The following IGF2BP2 variants were observed in gnomAD, a reference collection of about 807,000 sequenced individuals.
IGF2BP2 encodes the protein insulin like growth factor 2 mRNA binding protein 2.
Under a neutral mutation model 75.8 loss-of-function variants are expected in IGF2BP2, and 17 were observed. The ratio of observed to expected loss-of-function variants is 0.22; its 90% CI spans 0.15 to 0.34. The LOEUF is 0.34. Among genes scored for constraint, IGF2BP2 ranks in the 10% least tolerant of loss-of-function variants. IGF2BP2 has a pLI of 1.00. For missense variants in IGF2BP2, 516 were observed against 772.4 expected (o/e 0.67, Z 3.93); for synonymous variants, 288 against 295.6 (o/e 0.97, Z 0.26).
At position 185,771,699 on chromosome 3, in the gene IGF2BP2, G is replaced by A. The variant is rs73885768; in HGVS notation, c.239+51454C>T. On this transcript the variant is annotated intron_variant, in intron 2 of 15. Coordinates refer to ENST00000382199, the MANE Select transcript of IGF2BP2 (RefSeq NM_006548.6). ...TGAATCTCTTTCTCTTCTTCCTATG[G>A]TCTCATTTTTCCTTACAGTTTGAAT... 3.5e-3 allele frequency among the ~76,000 whole-genome samples: 528 copies of A among 151,842 alleles called. 1 individual carries two copies. Among genetic ancestry groups the A allele is most frequent in the African/African-American group, 0.012 (508 of 41,366 alleles).
At chr3:185,787,886 G>C (rs548963171) in intron 2 of IGF2BP2, among the ~76,000 whole-genome samples, 1 of 152,260 alleles carries the variant, frequency 6.6e-6, no homozygotes, top group East Asian at 1.9e-4. Flanking sequence ...AACATCATTT[G>C]TTAATAATTT....
intron 2 of IGF2BP2, among the ~76,000 whole-genome samples, chr3:185,710,737 TAAAA>T (rs1007093613): frequency 7.0e-6 from 1 of 142,442 alleles, no homozygotes; most frequent in Admixed American, 7.0e-5. Flanking sequence ...AGTCTCAAAA[TAAAA>T]AAAAAAGAAC....
At chr3:185,757,175 T>C (rs956022399) in intron 2 of IGF2BP2, among the ~76,000 whole-genome samples, 2 of 152,218 alleles carry the variant, frequency 1.3e-5, no homozygotes, top group Admixed American at 6.5e-5. Context: ...CCAACTCTTC[T>C]CCTCTTCCTT....
intron 15 of IGF2BP2, among the ~76,000 whole-genome samples, chr3:185,646,293 G>A (rs1713535418): frequency 6.6e-6 from 1 of 152,108 alleles, no homozygotes; most frequent in Non-Finnish European, 1.5e-5. Context: ...GGTGGCGGGG[G>A]ATCCACAGTG....
intron 1 of IGF2BP2, among the ~76,000 whole-genome samples, chr3:185,824,111 G>A (rs926425451): frequency 3.9e-5 from 6 of 152,056 alleles, no homozygotes; most frequent in African/African-American, 1.4e-4. Flanking sequence ...GAGAGAGCAA[G>A]CGAGAGGGGA....
chr3:185,658,818 T>C (rs1230729586), intron 10 of IGF2BP2, among the ~76,000 whole-genome samples: 1 of 151,940 alleles, frequency 6.6e-6, no homozygotes, highest in Non-Finnish European at 1.5e-5. Context: ...GAGTCGTAGA[T>C]GAAAAAGAAC....
At chr3:185,820,210 G>A (rs1450039859) in intron 2 of IGF2BP2, among the ~76,000 whole-genome samples, 1 of 132,788 alleles carries the variant, frequency 7.5e-6, no homozygotes, top group East Asian at 2.1e-4. Flanking sequence ...CAGTATGTGT[G>A]TGTGTGTATG....
chr3:185,727,422 T>C (rs1311808564), intron 2 of IGF2BP2, among the ~76,000 whole-genome samples: 2 of 152,020 alleles, frequency 1.3e-5, no homozygotes, highest in African/African-American at 4.8e-5. Flanking sequence ...CATGGCTGGC[T>C]TGGACTGAGG....
At chr3:185,722,436 C>A (rs1449965567) in intron 2 of IGF2BP2, 7 of 335,382 alleles carry the variant, frequency 2.1e-5, no homozygotes, top group Non-Finnish European at 3.5e-5. Context: ...CACCAGCCAA[C>A]TGGGAGATGA....
At chr3:185,703,654 G>C (rs1198447519) in intron 2 of IGF2BP2, among the ~76,000 whole-genome samples, 1 of 152,040 alleles carries the variant, frequency 6.6e-6, no homozygotes, top group Non-Finnish European at 1.5e-5. Flanking sequence ...TGCACCTATT[G>C]TCCCAGTTAC....
At chr3:185,764,354 C>T (rs947022073) in intron 2 of IGF2BP2, among the ~76,000 whole-genome samples, 2 of 152,022 alleles carry the variant, frequency 1.3e-5, no homozygotes, top group East Asian at 1.9e-4. Flanking sequence ...ATGAGATGTC[C>T]GAAGCACAAA....
chr3:185,665,434 GAGGAGA>G (rs1447988237), intron 10 of IGF2BP2, among the ~76,000 whole-genome samples: 4 of 112,258 alleles, frequency 3.6e-5, no homozygotes, highest in Admixed American at 1.9e-4. Context: ...GAAGGAGGAG[GAGGAGA>G]AGGAGGAGGA....
chr3:185,729,160 G>C (rs530745865), intron 2 of IGF2BP2, among the ~76,000 whole-genome samples: 2 of 151,760 alleles, frequency 1.3e-5, no homozygotes, highest in East Asian at 3.9e-4. Context: ...TAAAATATTT[G>C]GTGTGACAAA....
At chr3:185,708,671 G>A (rs1316867156) in intron 2 of IGF2BP2, among the ~76,000 whole-genome samples, 1 of 152,064 alleles carries the variant, frequency 6.6e-6, no homozygotes, top group Non-Finnish European at 1.5e-5. Context: ...CTCCAATCAG[G>A]GCAGTGCCCA....
intron 3 of IGF2BP2, among the ~76,000 whole-genome samples, chr3:185,697,496 A>G (rs1722745668): frequency 1.3e-5 from 2 of 152,120 alleles, no homozygotes; most frequent in Admixed American, 1.3e-4. Flanking sequence ...TGGGTGGGGA[A>G]TAAAATATGA....
Position 185,794,007 on chromosome 3 carries a change from A to G in IGF2BP2, c.239+29146T>C, listed in dbSNP as rs143621496. ...GGAGTCTTGCTCTGTCGCCCAGGCT[A>G]GAGTGCAGTGGTACAAACAAACTCA... On this transcript the variant is annotated intron_variant, in intron 2 of 15. Transcript: ENST00000382199. Among the ~76,000 whole-genome samples the G allele has an allele frequency of 2.5e-3, 350 of 141,738 alleles. 1 individual carries two copies. Among genetic ancestry groups the G allele is most frequent in the African/African-American group, 8.7e-3 (329 of 37,662 alleles). 93.0% of individuals were successfully genotyped at this position (141,738 alleles called of 152,430 possible). A position where few individuals can be genotyped will look rare whatever the true frequency, so the allele number is the denominator to read the frequency against.
chr3:185,654,165 G>A (rs181207528), intron 12 of IGF2BP2, among the ~76,000 whole-genome samples: 122 of 152,318 alleles, frequency 8.0e-4, no homozygotes, highest in Non-Finnish European at 7.9e-4. Flanking sequence ...TGGTGGATGC[G>A]GATAAATGTG....
At chr3:185,701,092 T>A (rs974212761) in intron 2 of IGF2BP2, among the ~76,000 whole-genome samples, 2 of 152,120 alleles carry the variant, frequency 1.3e-5, no homozygotes, top group African/African-American at 4.8e-5. Context: ...TTTTATATTT[T>A]TTTAAATTAT....
intron 2 of IGF2BP2, among the ~76,000 whole-genome samples, chr3:185,763,059 T>C (rs981684343): frequency 6.6e-6 from 1 of 152,198 alleles, no homozygotes. Context: ...TTTTGTTTTG[T>C]TTTGTTTTTA....
Sources: gnomAD v4.1 joint callset for allele counts (sites outside exome capture counted in the v4.1 genomes callset) on GRCh38, gnomAD v4.1.1 for gene constraint, MANE v1.5 for transcripts, NCBI Gene and HGNC (gene_info 2026-07-23, HGNC 2026-07-21) for gene names.